MYSM1: variants seen among roughly 807,000 people sequenced by gnomAD.
MYSM1 encodes Myb like, SWIRM and MPN domains 1.
Under a neutral mutation model 116.0 loss-of-function variants are expected in MYSM1, and 51 were observed. That is an observed-to-expected ratio of 0.44 (90% confidence interval 0.35 to 0.56). The LOEUF is 0.56. Ranked by LOEUF, MYSM1 falls within the 20% of genes least tolerant of loss-of-function variation. The pLI is 0.00. For missense variants in MYSM1, 900 were observed against 974.9 expected, an observed-to-expected ratio of 0.92 and a Z score of 1.02; for synonymous variants, 313 against 315.2, an observed-to-expected ratio of 0.99 and a Z score of 0.07.
chr1:58,667,990 T>A, intron 14 of MYSM1, 69 bp from the exon 15 acceptor site: 1 of 1,074,916 alleles, frequency 9.3e-7, no homozygotes, highest in Non-Finnish European at 1.4e-6. Flanking sequence ...AAAACTCACT[T>A]ATCATAAGAA....
intron 7 of MYSM1, among the ~76,000 whole-genome samples, chr1:58,684,217 CAA>C (rs1644791501): frequency 6.6e-6 from 1 of 152,058 alleles, no homozygotes; most frequent in African/African-American, 2.4e-5. Flanking sequence ...AAATTTCACT[CAA>C]GACACTTACC....
intron 9 of MYSM1, 33 bp downstream of exon 9, chr1:58,676,893 G>A (rs200635777): frequency 2.7e-5 from 44 of 1,601,028 alleles, no homozygotes; most frequent in African/African-American, 8.1e-5. Flanking sequence ...AAAAAATGTC[G>A]AGTAAAAGAT....
chr1:58,698,140 G>A (rs1352876608), intron 1 of MYSM1, among the ~76,000 whole-genome samples: 15 of 44,532 alleles, frequency 3.4e-4, no homozygotes, highest in Non-Finnish European at 7.4e-4. Flanking sequence ...TCGCTCTGTT[G>A]CCCAGGCTGG....
chr1:58,698,243 G>C (rs1293682972), intron 1 of MYSM1, among the ~76,000 whole-genome samples: 1 of 149,814 alleles, frequency 6.7e-6, no homozygotes, highest in African/African-American at 2.5e-5. Context: ...TGGGACTACA[G>C]GCGCCCACCA....
chr1:58,685,722 C>G (rs1479060351), intron 6 of MYSM1, among the ~76,000 whole-genome samples: 3 of 152,136 alleles, frequency 2.0e-5, no homozygotes, highest in African/African-American at 7.2e-5. Flanking sequence ...GACTTTTACT[C>G]TATCAGATAT....
In MYSM1 at chr1:58,682,133, C is replaced by T. The variant is rs1378119643; in HGVS notation, c.911G>A (p.Gly304Asp). The change falls in exon 8 of 20, where the codon GGT (glycine) becomes GAT (aspartate). Residue 304 changes from glycine (G) to aspartate (D), a missense_variant. Gly to Asp is a moderately conservative substitution (Grantham distance 94). Coordinates refer to ENST00000472487, the MANE Select transcript of MYSM1 (RefSeq NM_001085487.3). ...ATTTAATTCAATTGATTTTTTGTCA[C>T]CATTGCTCTGTTTCTCAGTCCACAG... is the stretch of plus-strand genomic sequence containing the variant. ...ITLWTEKQSN[G>D]DKKSIELNDQ... 5 of 1,613,640 alleles carry T rather than the reference C, an allele frequency of 3.1e-6. No homozygotes were observed. The highest frequency in any genetic ancestry group is 3.4e-6 in the Non-Finnish European group (4 of 1,179,770).
chr1:58,671,964 A>G lies in MYSM1; in HGVS notation c.1573-6T>C. The G allele has an allele frequency of 1.1e-5, 17 of 1,610,592 alleles. No individual in the cohort carries two copies. The highest frequency in any genetic ancestry group is 1.4e-5 in the Non-Finnish European group (17 of 1,177,962). ...AACTCCTCAGCAGAGAGATGCTAAA[A>G]CAAAATGCCAATTGATTAAGGAGTC... On this transcript the variant is annotated splice_polypyrimidine_tract_variant and splice_region_variant and intron_variant, in intron 11 of 19. Coordinates refer to ENST00000472487, the MANE Select transcript of MYSM1 (RefSeq NM_001085487.3).
intron 7 of MYSM1, among the ~76,000 whole-genome samples, chr1:58,683,110 A>G (rs1644773567): frequency 6.6e-6 from 1 of 152,222 alleles, no homozygotes; most frequent in Middle Eastern, 3.2e-3. Flanking sequence ...TAAATATATA[A>G]CTAATTCATG....
intron 14 of MYSM1, 40 bp downstream of exon 14, chr1:58,668,592 A>G (rs1241020262): frequency 6.4e-7 from 1 of 1,564,574 alleles, no homozygotes; most frequent in African/African-American, 1.4e-5. Context: ...ACAAGAGTAG[A>G]AATCAGAATA....
chr1:58,683,634 G>C (rs1644781486), intron 7 of MYSM1, among the ~76,000 whole-genome samples: 1 of 152,116 alleles, frequency 6.6e-6, no homozygotes, highest in South Asian at 2.1e-4. Context: ...TTTTTAAAAA[G>C]TCTTATAAAT....
At chr1:58,670,671 T>C (rs1644547019) in intron 12 of MYSM1, among the ~76,000 whole-genome samples, 3 of 152,234 alleles carry the variant, frequency 2.0e-5, no homozygotes, top group African/African-American at 7.2e-5. Context: ...AAGATGAAGA[T>C]ATATGCGTTA....
intron 8 of MYSM1, among the ~76,000 whole-genome samples, 158 bp from the exon 9 acceptor site, chr1:58,677,214 CT>C (rs1259168890): frequency 6.6e-6 from 1 of 152,046 alleles, no homozygotes; most frequent in Non-Finnish European, 1.5e-5. Flanking sequence ...TACCCATGTA[CT>C]TTTTTTCTGA....
At chr1:58,680,946 TG>T (rs1391222271) in intron 8 of MYSM1, among the ~76,000 whole-genome samples, 1 of 151,938 alleles carries the variant, frequency 6.6e-6, no homozygotes, top group Non-Finnish European at 1.5e-5. Context: ...CTCAGCATCC[TG>T]AGTAGCTGGG....
rs1235104750 is a variant in MYSM1 at position 58,671,882 on chromosome 1, C to T, written c.1649G>A (p.Arg550Lys). The T allele has an allele frequency of 1.2e-6, 2 of 1,612,544 alleles. No individual in the cohort carries two copies. Among genetic ancestry groups the T allele is most frequent in the Non-Finnish European group, 1.7e-6 (2 of 1,179,396 alleles). Residue 550 changes from arginine to lysine, a missense_variant, in exon 12 of 20, where the codon AGA becomes AAA. Arg to Lys is a conservative substitution (Grantham distance 26). This residue lies in a region of MYSM1 where 92 missense variants were observed against 155.0 expected (regional missense o/e 0.59). Transcript: ENST00000472487. ...TATAACACTACACCTTTTTGTTGGT[C>T]TTGGCACTTTTAAAGATTTAACAGG... ...GRPVKSLKVP[R>K]PTKSSFDPFQ...
chr1:58,665,931 C>T (rs1404954007), intron 16 of MYSM1, among the ~76,000 whole-genome samples: 1 of 152,068 alleles, frequency 6.6e-6, no homozygotes, highest in African/African-American at 2.4e-5. Flanking sequence ...GTGGCACGTG[C>T]CTGTAACCCC....
intron 13 of MYSM1, 115 bp downstream of exon 13, chr1:58,668,869 T>G (rs1374444006): frequency 3.8e-5 from 38 of 989,510 alleles, no homozygotes; most frequent in Non-Finnish European, 4.6e-6. Flanking sequence ...AAATTCTCTC[T>G]CATTTTCAGT....
chr1:58,669,431 T>G (rs1407802243), intron 12 of MYSM1, among the ~76,000 whole-genome samples: 1 of 152,208 alleles, frequency 6.6e-6, no homozygotes, highest in Non-Finnish European at 1.5e-5. Flanking sequence ...AGTTCAATAA[T>G]GTGCCCACTA....
intron 19 of MYSM1, among the ~76,000 whole-genome samples, 157 bp downstream of exon 19, chr1:58,661,012 TA>T (rs1644382710): frequency 6.6e-6 from 1 of 152,116 alleles, no homozygotes; most frequent in South Asian, 2.1e-4. Context: ...AAAACGTTAC[TA>T]ATTATCTCCT....
chr1:58,675,609 T>A lies in MYSM1; in HGVS notation c.1391-29A>T, dbSNP rs373662855. On this transcript the variant is annotated intron_variant, in intron 9 of 19. Transcript: ENST00000472487. ...TTGGAATTCAGGAAAGATAAAACCATCTATTATTTTGTGAAACTCATTTGT... is the reference window on the plus strand; with the variant it reads ...TTGGAATTCAGGAAAGATAAAACCAACTATTATTTTGTGAAACTCATTTGT... 61 of 1,566,966 alleles carry A rather than the reference T, an allele frequency of 3.9e-5. No homozygotes were observed. In the African/African-American group the frequency reaches 5.1e-4, roughly 13 times the overall value.
Sources: gnomAD v4.1 joint callset for allele counts (sites outside exome capture counted in the v4.1 genomes callset) on GRCh38, gnomAD v4.1.1 for gene constraint, gnomAD v4.1.1 regional missense constraint, MANE v1.5 for transcripts, NCBI Gene and HGNC (gene_info 2026-07-23, HGNC 2026-07-21) for gene names.